Variants in NARS1 observed in about 807,000 individuals in gnomAD.
NARS1 encodes asparagine--tRNA ligase, cytoplasmic.
Under a neutral mutation model 79.2 loss-of-function variants are expected in NARS1, and 65 were observed. The ratio of observed to expected loss-of-function variants is 0.82; its 90% CI spans 0.67 to 1.01. NARS1 has a LOEUF of 1.01. Ranked by LOEUF, NARS1 falls within the 50% of genes least tolerant of loss-of-function variation. The pLI, the probability that NARS1 is intolerant of heterozygous loss-of-function variation, is 0.00. For synonymous variants in NARS1, 229 were observed against 238.8 expected (o/e 0.96, Z 0.38); for missense variants, 649 against 673.8 (o/e 0.96, Z 0.41).
chr18:57,615,418 C>T (rs1296082297), intron 4 of NARS1, among the ~76,000 whole-genome samples: 2 of 151,676 alleles, frequency 1.3e-5, no homozygotes, highest in South Asian at 2.1e-4. Context: ...AGGAGAATGG[C>T]GTGAACCCGG....
Position 57,600,848 on chromosome 18 carries a change from A to G in NARS1, c.*804T>C, listed in dbSNP as rs1351487106. On this transcript the variant is annotated 3_prime_UTR_variant, in exon 14 of 14. Transcript: ENST00000256854. ...ACTCAAACAGCCACTCACAATTGTT[A>G]TTAAGATTCCAGCTACAATTTCTTT... The G allele has an allele frequency of 1.3e-5, 2 of 152,218 alleles. No homozygotes were observed. Among genetic ancestry groups the G allele is most frequent in the African/African-American group, 4.8e-5 (2 of 41,456 alleles). 9.4% of individuals were successfully genotyped at this position (152,218 alleles called of 1,614,324 possible). A position where few individuals can be genotyped will look rare whatever the true frequency, so the allele number is the denominator to read the frequency against.
At chr18:57,617,655 G>A (rs1268188158) in intron 2 of NARS1, among the ~76,000 whole-genome samples, 10 of 145,612 alleles carry the variant, frequency 6.9e-5, no homozygotes, top group African/African-American at 1.0e-4. Flanking sequence ...GGTGGCTCAC[G>A]CCTATAATCC....
Position 57,606,164 on chromosome 18 carries a change from C to T in NARS1, c.1138-194G>A, listed in dbSNP as rs199812124. Among the ~76,000 whole-genome samples the T allele has an allele frequency of 1.6e-4, 24 of 151,830 alleles. No homozygotes were observed. In the East Asian group the frequency reaches 3.3e-3, roughly 21 times the overall value. On this transcript the variant is annotated intron_variant, in intron 10 of 13. Coordinates refer to ENST00000256854, the MANE Select transcript of NARS1 (RefSeq NM_004539.4). ...AGGAGTTTGGGACCAGCCTGGCCAA[C>T]ACGGTAAAACCCCATCTCTACTAAA...
chr18:57,607,057 C>T lies in NARS1; in HGVS notation c.1001+77G>A, dbSNP rs1332022915. 23 of 1,410,884 alleles carry T rather than the reference C, an allele frequency of 1.6e-5. 1 individual carries two copies. In the South Asian group the frequency reaches 2.6e-4, roughly 16 times the overall value. 87.4% of individuals were successfully genotyped at this position (1,410,884 alleles called of 1,614,324 possible). On this transcript the variant is annotated intron_variant, in intron 9 of 13. Transcript: ENST00000256854. The stretch of plus-strand genomic sequence containing the variant: ...CAGTTGGTTTTTTTTAAAACATAAA[C>T]ATAATTTACCTACACTAAGATTTCT...
At chr18:57,615,443 A>G (rs573503000) in intron 4 of NARS1, among the ~76,000 whole-genome samples, 198 bp downstream of exon 4, 16 of 152,290 alleles carry the variant, frequency 1.1e-4, no homozygotes, top group African/African-American at 3.9e-4. Flanking sequence ...CGGAGCTTGC[A>G]GTGAGCTGAG....
chr18:57,611,363 G>C (rs778931920), intron 6 of NARS1, among the ~76,000 whole-genome samples: 9 of 152,076 alleles, frequency 5.9e-5, no homozygotes, highest in Non-Finnish European at 1.3e-4. Flanking sequence ...ATATATAGGT[G>C]GTTACAGAAG....
rs34518818 is a variant in NARS1, at chr18:57,617,914, C to CAA, written c.94-1941_94-1940dup. Among the ~76,000 whole-genome samples, 32 of 97,056 alleles carry CAA rather than the reference C, an allele frequency of 3.3e-4. 1 individual carries two copies. Among genetic ancestry groups the CAA allele is most frequent in the Admixed American group, 2.0e-3 (18 of 9,158 alleles). The allele number at this position is 97,056 out of a possible 152,430, so 63.7% of individuals were successfully genotyped here. A position where few individuals can be genotyped will look rare whatever the true frequency, so the allele number is the denominator to read the frequency against. On this transcript the variant is annotated intron_variant, in intron 2 of 13. Coordinates refer to ENST00000256854, the MANE Select transcript of NARS1 (RefSeq NM_004539.4). ...TGGGTGACAGTGTGAGACTCCTTTT[C>CAA]AAAAAAAAAAAAAAGAAAAAAAAGA...
chr18:57,604,010 C>CAGTCCTG (rs2051532695), intron 11 of NARS1, among the ~76,000 whole-genome samples: 3 of 152,212 alleles, frequency 2.0e-5, no homozygotes, highest in South Asian at 2.1e-4. Flanking sequence ...AGGCATTTAG[C>CAGTCCTG]TCCGGTAGTC....
rs1459330001 is a variant in NARS1, at chr18:57,611,724, A to G, written c.422-17T>C. On this transcript the variant is annotated splice_polypyrimidine_tract_variant and intron_variant, in intron 5 of 13. Transcript: ENST00000256854. ...AATTCTTTCCTAAAAAATGAGAAAT[A>G]ATAATTTAGGCAGACTGTTCTCAAG... 4 of 1,505,928 alleles carry G rather than the reference A, an allele frequency of 2.7e-6. No individual in the cohort carries two copies. The South Asian group carries it at 3.7e-5, about 14-fold the overall frequency. 93.3% of individuals were successfully genotyped at this position (1,505,928 alleles called of 1,614,324 possible).
At chr18:57,608,437 CAAAAA>C (rs1175712420) in intron 7 of NARS1, among the ~76,000 whole-genome samples, 2 of 78,276 alleles carry the variant, frequency 2.6e-5, no homozygotes, top group African/African-American at 1.1e-4. Context: ...AACTCCGTCT[CAAAAA>C]AAAAAAAAAA....
At chr18:57,616,096 G>C (rs1464023760) in intron 2 of NARS1, 121 bp from the exon 3 acceptor site, 1 of 864,382 alleles carries the variant, frequency 1.2e-6, no homozygotes, top group African/African-American at 1.7e-5. Context: ...ACAGCCAAAA[G>C]CTGATATTGG....
rs1360553990 is a variant in NARS1 at position 57,601,546 on chromosome 18, G to A, written c.*106C>T. The A allele has an allele frequency of 5.1e-6, 6 of 1,173,598 alleles. No homozygotes were observed. Among genetic ancestry groups the A allele is most frequent in the Non-Finnish European group, 5.8e-6 (5 of 862,448 alleles). The allele number at this position is 1,173,598 out of a possible 1,614,324, so 72.7% of individuals were successfully genotyped here. A position where few individuals can be genotyped will look rare whatever the true frequency, so the allele number is the denominator to read the frequency against. ...ATGGTAGTAGAAAGAAAAACAGAAA[G>A]AGAAACCCCAATGAAACAAAAAAAG... On this transcript the variant is annotated 3_prime_UTR_variant, in exon 14 of 14. Transcript: ENST00000256854.
rs62092554 is a variant in NARS1 at position 57,604,862 on chromosome 18, C to T, written c.1251+995G>A. ...TATGATCGCACCAATGCATTCCAGCCTGGACGACAGATGGAGATGCTGTCC... is the reference window on the plus strand; with the variant it reads ...TATGATCGCACCAATGCATTCCAGCTTGGACGACAGATGGAGATGCTGTCC... On this transcript the variant is annotated intron_variant, in intron 11 of 13. Transcript: ENST00000256854. Among the ~76,000 whole-genome samples the T allele has an allele frequency of 1.2e-4, 18 of 152,258 alleles. 1 individual carries two copies. Among genetic ancestry groups the T allele is most frequent in the Non-Finnish European group, 2.1e-4 (14 of 68,014 alleles).
intron 13 of NARS1, 30 bp from the exon 14 acceptor site, chr18:57,601,813 A>C: frequency 6.2e-7 from 1 of 1,603,338 alleles, no homozygotes; most frequent in Non-Finnish European, 8.5e-7. Flanking sequence ...AAGAAAGAGG[A>C]GTAAATACTT....
rs894608372 is a variant in NARS1 at position 57,610,042 on chromosome 18, CAACA to C, written c.493-603_493-600del. On this transcript the variant is annotated intron_variant, in intron 6 of 13. Coordinates refer to ENST00000256854, the MANE Select transcript of NARS1 (RefSeq NM_004539.4). ...TTCTGAGAAACCCTGTGTCTCAAAACAACAAACAAACAAACAAAACCATACAGAG... is the reference window on the plus strand; with the variant it reads ...TTCTGAGAAACCCTGTGTCTCAAAACAACAAACAAACAAAACCATACAGAG... Among the ~76,000 whole-genome samples the C allele has an allele frequency of 6.9e-4, 105 of 152,132 alleles. 1 individual carries two copies. Among genetic ancestry groups the C allele is most frequent in the African/African-American group, 1.8e-3 (73 of 41,510 alleles).
At chr18:57,620,679 G>A in intron 1 of NARS1, 28 bp from the exon 2 acceptor site, 2 of 1,455,494 alleles carry the variant, frequency 1.4e-6, no homozygotes, top group Non-Finnish European at 1.9e-6. Flanking sequence ...GGTAAGTTAT[G>A]GTCTGGCCAT....
chr18:57,606,043 A>C, intron 10 of NARS1, 73 bp from the exon 11 acceptor site: 1 of 1,017,676 alleles, frequency 9.8e-7, no homozygotes, highest in Non-Finnish European at 1.4e-6. Flanking sequence ...TTTCCATTAA[A>C]AAACTATTAT....
chr18:57,610,518 G>A (rs1440954389), intron 6 of NARS1, among the ~76,000 whole-genome samples: 3 of 152,108 alleles, frequency 2.0e-5, no homozygotes, highest in African/African-American at 4.8e-5. Flanking sequence ...GCCTCTTGAC[G>A]TGATGCAACT....
At chr18:57,611,772 A>G in intron 5 of NARS1, 65 bp from the exon 6 acceptor site, 1 of 887,752 alleles carries the variant, frequency 1.1e-6, no homozygotes, top group Non-Finnish European at 1.6e-6. Flanking sequence ...ATATATATAT[A>G]TAATTTTAAA....
Sources: allele counts gnomAD v4.1 joint callset (sites outside exome capture counted in the v4.1 genomes callset), GRCh38; gene constraint gnomAD v4.1.1; transcripts MANE v1.5; gene names NCBI Gene and HGNC (gene_info 2026-07-23, HGNC 2026-07-21).